Variants in CNTNAP2 observed in about 807,000 individuals in gnomAD.
The protein encoded by CNTNAP2 is contactin associated protein 2.
CNTNAP2 carries 98 observed loss-of-function variants against 155.2 expected under a neutral mutation model. The observed-to-expected ratio is 0.63, with a 90% CI of 0.54 to 0.75. The LOEUF (loss-of-function observed/expected upper bound fraction) is 0.75, where lower values mean the gene tolerates loss of function less well. Among genes scored for constraint, CNTNAP2 ranks in the 30% least tolerant of loss-of-function variants. CNTNAP2 has a pLI of 0.00. For missense variants in CNTNAP2, 1,727 were observed against 1,688.1 expected, an observed-to-expected ratio of 1.02 and a Z score of -0.40; for synonymous variants, 651 against 631.2, an observed-to-expected ratio of 1.03 and a Z score of -0.47.
intron 1 of CNTNAP2, among the ~76,000 whole-genome samples, chr7:146,608,632 A>G (rs1585004747): frequency 6.6e-6 from 1 of 152,202 alleles, no homozygotes; most frequent in East Asian, 1.9e-4. Flanking sequence ...TGATGTAAGT[A>G]TAAAGAATTG....
intron 4 of CNTNAP2, among the ~76,000 whole-genome samples, chr7:147,072,236 C>T (rs1401296722): frequency 3.3e-5 from 5 of 152,098 alleles, no homozygotes; most frequent in South Asian, 2.1e-4. Context: ...GGCTGCAGCA[C>T]CGAGATTGAA....
intron 1 of CNTNAP2, among the ~76,000 whole-genome samples, chr7:146,127,253 A>C (rs915945878): frequency 2.0e-4 from 30 of 152,294 alleles, no homozygotes; most frequent in African/African-American, 6.7e-4. Context: ...TTTACGGTCC[A>C]AGCCTCAGAA....
At position 147,505,695 on chromosome 7, in the gene CNTNAP2, A is replaced by C. The variant is rs183239995; in HGVS notation, c.1777+19654A>C. On this transcript the variant is annotated intron_variant, in intron 11 of 23. Transcript: ENST00000361727. Reference sequence around the variant, plus strand: ...ATGTAATGCTATCGATCACCAAACAAATGGCCTTAAACGCTGTAGTTCCCA... The same window carrying C: ...ATGTAATGCTATCGATCACCAAACACATGGCCTTAAACGCTGTAGTTCCCA... 2.0e-5 allele frequency among the ~76,000 whole-genome samples: 3 copies of C among 152,306 alleles called. No individual in the cohort carries two copies. In the East Asian group the frequency reaches 5.8e-4, roughly 29 times the overall value.
chr7:148,331,758 A>AGTGGACAGG (rs1563046082), intron 21 of CNTNAP2, among the ~76,000 whole-genome samples: 5,360 of 10,172 alleles, frequency 0.53, 1,266 homozygotes, highest in East Asian at 0.62. Context: ...GAACGGACGG[A>AGTGGACAGG]TGGATTGGAT....
chr7:148,107,134 C>T (rs902110964), intron 15 of CNTNAP2, among the ~76,000 whole-genome samples: 3 of 152,036 alleles, frequency 2.0e-5, no homozygotes, highest in African/African-American at 4.8e-5. Context: ...TTAAATGTAC[C>T]GAAATTACCT....
At chr7:146,528,167 G>T (rs1390120741) in intron 1 of CNTNAP2, among the ~76,000 whole-genome samples, 2 of 152,108 alleles carry the variant, frequency 1.3e-5, no homozygotes, top group Non-Finnish European at 2.9e-5. Flanking sequence ...TAGGGTAGTG[G>T]CTTAGAGAAA....
chr7:147,745,694 G>C (rs1163038574), intron 13 of CNTNAP2, among the ~76,000 whole-genome samples: 1 of 152,118 alleles, frequency 6.6e-6, no homozygotes, highest in Non-Finnish European at 1.5e-5. Flanking sequence ...TTGGTAAAAA[G>C]ATTTAAAACA....
At chr7:146,720,477 A>G (rs1407364144) in intron 1 of CNTNAP2, among the ~76,000 whole-genome samples, 2 of 152,116 alleles carry the variant, frequency 1.3e-5, no homozygotes, top group Non-Finnish European at 2.9e-5. Context: ...GCTGACCTAA[A>G]TCAATTTCAG....
chr7:146,944,915 C>T (rs775467936), intron 3 of CNTNAP2, among the ~76,000 whole-genome samples: 14 of 151,844 alleles, frequency 9.2e-5, no homozygotes, highest in Non-Finnish European at 1.9e-4. Flanking sequence ...AATCGTAAGG[C>T]TATGCATAGC....
intron 21 of CNTNAP2, among the ~76,000 whole-genome samples, chr7:148,332,332 C>A (rs1453249863): frequency 1.3e-5 from 2 of 152,078 alleles, no homozygotes; most frequent in African/African-American, 4.8e-5. Flanking sequence ...CTGTGTGTTC[C>A]ACCTTCCTAT....
chr7:146,721,037 A>G (rs1176361083), intron 1 of CNTNAP2, among the ~76,000 whole-genome samples: 1 of 135,140 alleles, frequency 7.4e-6, no homozygotes, highest in East Asian at 2.2e-4. Flanking sequence ...TATACTCTAT[A>G]TATTCTATAT....
chr7:147,883,772 G>A (rs1328494575), intron 13 of CNTNAP2, among the ~76,000 whole-genome samples: 2 of 152,036 alleles, frequency 1.3e-5, no homozygotes, highest in East Asian at 1.9e-4. Context: ...TTTTAAAAAT[G>A]TGTTTAGATA....
chr7:146,675,659 C>T (rs35437410), intron 1 of CNTNAP2, among the ~76,000 whole-genome samples: 7,484 of 152,098 alleles, frequency 0.049, 664 homozygotes, highest in African/African-American at 0.17. Context: ...GGTTCAAGAG[C>T]TCCCACACCA....
intron 13 of CNTNAP2, among the ~76,000 whole-genome samples, chr7:147,761,944 T>A (rs1797308386): frequency 6.6e-6 from 1 of 152,114 alleles, no homozygotes; most frequent in African/African-American, 2.4e-5. Flanking sequence ...ACATGCATGT[T>A]AATGCAAAAG....
At position 146,249,001 on chromosome 7, in the gene CNTNAP2, C is replaced by T. The variant is rs528523425; in HGVS notation, c.97+132028C>T. On this transcript the variant is annotated intron_variant, in intron 1 of 23. Coordinates refer to ENST00000361727, the MANE Select transcript of CNTNAP2 (RefSeq NM_014141.6). ...AGTCAAAGGGAGGGTTGTTCCCTGG[C>T]GGTCAGAGTGGGGGTCACAAGGTAC... 4.6e-5 allele frequency among the ~76,000 whole-genome samples: 7 copies of T among 152,134 alleles called. No individual in the cohort carries two copies. In the South Asian group the frequency reaches 1.2e-3, roughly 27 times the overall value.
intron 8 of CNTNAP2, among the ~76,000 whole-genome samples, chr7:147,241,350 G>A (rs888566209): frequency 3.3e-5 from 5 of 152,156 alleles, no homozygotes; most frequent in South Asian, 4.1e-4. Flanking sequence ...TTTCTCTGCC[G>A]GGCGCGGTGC....
At chr7:148,261,263 C>A (rs918958837) in intron 20 of CNTNAP2, among the ~76,000 whole-genome samples, 2 of 152,084 alleles carry the variant, frequency 1.3e-5, no homozygotes, top group African/African-American at 4.8e-5. Flanking sequence ...CGGGTTCAAG[C>A]GAGTCTCCTG....
At chr7:146,488,512 G>A (rs1403296650) in intron 1 of CNTNAP2, among the ~76,000 whole-genome samples, 2 of 151,670 alleles carry the variant, frequency 1.3e-5, no homozygotes, top group African/African-American at 4.9e-5. Context: ...TTAGGACTAC[G>A]CTACCACAAA....
At chr7:146,223,424 G>A (rs890875139) in intron 1 of CNTNAP2, among the ~76,000 whole-genome samples, 1 of 152,190 alleles carries the variant, frequency 6.6e-6, no homozygotes. Flanking sequence ...GGTCAGTGAA[G>A]AGACTTTGAT....
Sources: allele counts gnomAD v4.1 joint callset (sites outside exome capture counted in the v4.1 genomes callset), GRCh38; gene constraint gnomAD v4.1.1; transcripts MANE v1.5; gene names NCBI Gene and HGNC (gene_info 2026-07-23, HGNC 2026-07-21).